TNR: variants seen among roughly 807,000 people sequenced by gnomAD.
TNR encodes tenascin-R.
Under a neutral mutation model 150.4 loss-of-function variants are expected in TNR, and 45 were observed. The observed-to-expected ratio is 0.30, with a 90% confidence interval of 0.24 to 0.38. The LOEUF is 0.38. Ranked by LOEUF, TNR falls within the 10% of genes least tolerant of loss-of-function variation. The pLI is 1.00. For missense variants in TNR, 1,544 were observed against 1,759.1 expected (o/e 0.88, Z 2.19); for synonymous variants, 687 against 678.4 (o/e 1.01, Z -0.20).
chr1:175,394,013 A>T (rs1653303031), intron 5 of TNR, 118 bp from the exon 6 acceptor site: 1 of 782,004 alleles, frequency 1.3e-6, no homozygotes, highest in Non-Finnish European at 2.1e-6. Flanking sequence ...TGTCTGGTGG[A>T]CAATCCCAAT....
chr1:175,415,145 C>CTTTTTTTTT (rs35109798), intron 2 of TNR, among the ~76,000 whole-genome samples: 1 of 137,112 alleles, frequency 7.3e-6, no homozygotes, highest in Non-Finnish European at 1.6e-5. Flanking sequence ...TTTTTTTGTG[C>CTTTTTTTTT]TTTTTTTTTT....
chr1:175,543,887 T>A (rs531596828), intron 1 of TNR, among the ~76,000 whole-genome samples: 17 of 152,214 alleles, frequency 1.1e-4, no homozygotes, highest in South Asian at 4.2e-4. Flanking sequence ...AGACTAGGTC[T>A]TGAAGGATCA....
intron 2 of TNR, among the ~76,000 whole-genome samples, chr1:175,475,098 G>A (rs892158801): frequency 6.6e-6 from 1 of 152,184 alleles, no homozygotes; most frequent in African/African-American, 2.4e-5. Flanking sequence ...TGTCCAGTGA[G>A]CTCTTTATCA....
At chr1:175,718,612 G>A (rs1202001506) in intron 1 of TNR, among the ~76,000 whole-genome samples, 6 of 152,292 alleles carry the variant, frequency 3.9e-5, no homozygotes, top group South Asian at 4.1e-4. Context: ...ATCTCCCCTC[G>A]ATGGGTCTGG....
At chr1:175,378,302 CTTCATTCATTCATTCA>C (rs71299425) in intron 9 of TNR, among the ~76,000 whole-genome samples, 12 of 151,220 alleles carry the variant, frequency 7.9e-5, no homozygotes, top group African/African-American at 2.7e-4. Context: ...ACTTCTGCAG[CTTCATTCATTCATTCA>C]TTCATTCATT....
chr1:175,443,370 C>T (rs1313310909), intron 2 of TNR, among the ~76,000 whole-genome samples: 2 of 152,148 alleles, frequency 1.3e-5, no homozygotes, highest in Admixed American at 6.6e-5. Flanking sequence ...ACGATCGAGG[C>T]GTGAATCCTG....
At chr1:175,377,262 G>A (rs373187269) in intron 9 of TNR, among the ~76,000 whole-genome samples, 24 of 152,188 alleles carry the variant, frequency 1.6e-4, no homozygotes, top group African/African-American at 5.5e-4. Context: ...AGTGAGTGTC[G>A]GATCTTCTTT....
chr1:175,684,423 A>C (rs1184940241), intron 1 of TNR, among the ~76,000 whole-genome samples: 1 of 152,156 alleles, frequency 6.6e-6, no homozygotes, highest in South Asian at 2.1e-4. Flanking sequence ...TTCAATATTC[A>C]AAGGGCATCA....
intron 2 of TNR, among the ~76,000 whole-genome samples, chr1:175,454,374 C>T (rs928643606): frequency 6.6e-6 from 1 of 152,210 alleles, no homozygotes; most frequent in African/African-American, 2.4e-5. Flanking sequence ...AAGACATTCT[C>T]TCTTTCCCAC....
intron 1 of TNR, among the ~76,000 whole-genome samples, chr1:175,538,573 C>T (rs1281094341): frequency 1.3e-5 from 2 of 152,080 alleles, no homozygotes; most frequent in Non-Finnish European, 2.9e-5. Flanking sequence ...GTTGTGTAGC[C>T]TTATGTTTTA....
At chr1:175,561,635 T>A (rs1053821099) in intron 1 of TNR, among the ~76,000 whole-genome samples, 8 of 152,174 alleles carry the variant, frequency 5.3e-5, no homozygotes, top group Non-Finnish European at 1.0e-4. Flanking sequence ...AGACCTGATT[T>A]TCAGAGGAGG....
At chr1:175,696,809 G>A (rs1000014955) in intron 1 of TNR, among the ~76,000 whole-genome samples, 1 of 151,234 alleles carries the variant, frequency 6.6e-6, no homozygotes, top group Admixed American at 6.6e-5. Context: ...AACCCAGGAG[G>A]TGGAGGTTAC....
At chr1:175,567,314 G>A (rs1000202013) in intron 1 of TNR, among the ~76,000 whole-genome samples, 1 of 152,174 alleles carries the variant, frequency 6.6e-6, no homozygotes, top group Admixed American at 6.5e-5. Context: ...TCTGCCAAGC[G>A]AGTCCCTGAG....
chr1:175,578,797 T>G (rs1571631334), intron 1 of TNR, among the ~76,000 whole-genome samples: 5 of 152,298 alleles, frequency 3.3e-5, no homozygotes, highest in African/African-American at 1.2e-4. Context: ...TGGCAATTAG[T>G]GTGTCATCCT....
At chr1:175,340,015 G>A (rs1388014652) in intron 18 of TNR, among the ~76,000 whole-genome samples, 1 of 152,132 alleles carries the variant, frequency 6.6e-6, no homozygotes, top group Non-Finnish European at 1.5e-5. Flanking sequence ...CTTAGACAAG[G>A]GGAGTTTTGA....
At chr1:175,510,760 T>C (rs1326114451) in intron 2 of TNR, among the ~76,000 whole-genome samples, 1 of 152,026 alleles carries the variant, frequency 6.6e-6, no homozygotes, top group African/African-American at 2.4e-5. Flanking sequence ...TGGGTGCATT[T>C]ATCTTTAAAG....
chr1:175,640,155 T>A (rs1340885635), intron 1 of TNR, among the ~76,000 whole-genome samples: 1 of 152,242 alleles, frequency 6.6e-6, no homozygotes, highest in Admixed American at 6.5e-5. Context: ...AGATCTTTTT[T>A]AAGGGAGAGC....
chr1:175,461,817 C>T (rs1049795366), intron 2 of TNR, among the ~76,000 whole-genome samples: 5 of 152,104 alleles, frequency 3.3e-5, no homozygotes, highest in African/African-American at 4.8e-5. Context: ...ATGTCCTGGG[C>T]CTTCGGTTTG....
intron 4 of TNR, among the ~76,000 whole-genome samples, chr1:175,397,330 T>G (rs1212139896): frequency 6.6e-6 from 1 of 152,190 alleles, no homozygotes; most frequent in African/African-American, 2.4e-5. Flanking sequence ...GTAATTGAAA[T>G]TGGCCATGGA....
Sources: allele counts gnomAD v4.1 joint callset (sites outside exome capture counted in the v4.1 genomes callset), GRCh38; gene constraint gnomAD v4.1.1; transcripts MANE v1.5; gene names NCBI Gene and HGNC (gene_info 2026-07-23, HGNC 2026-07-21).